The following CFAP92 variants were observed in gnomAD, a reference collection of about 807,000 sequenced individuals.
The protein encoded by CFAP92 is cilia and flagella associated protein 92 (putative), also known as uncharacterized protein CFAP92.
Under a neutral mutation model 106.3 loss-of-function variants are expected in CFAP92, and 86 were observed. The ratio of observed to expected loss-of-function variants is 0.81; its 90% confidence interval spans 0.68 to 0.97. The LOEUF (loss-of-function observed/expected upper bound fraction) is 0.97, where lower values mean the gene tolerates loss of function less well. Among genes scored for constraint, CFAP92 ranks in the 50% least tolerant of loss-of-function variants. The pLI is 0.00. For synonymous variants in CFAP92, 477 were observed against 506.4 expected, an observed-to-expected ratio of 0.94 and a Z score of 0.78; for missense variants, 1,204 against 1,283.8, an observed-to-expected ratio of 0.94 and a Z score of 0.95.
intron 9 of CFAP92, among the ~76,000 whole-genome samples, chr3:128,953,772 C>T (rs1243376521): frequency 8.2e-6 from 1 of 122,256 alleles, no homozygotes; most frequent in South Asian, 2.7e-4. Context: ...CGCGCCACCA[C>T]GCCTGACTGG....
At position 128,932,680 on chromosome 3, in the gene CFAP92, T is replaced by A. The variant is rs548720983; in HGVS notation, c.2751+20A>T. The A allele has an allele frequency of 6.6e-7, 1 of 1,520,242 alleles. No homozygotes were observed. Among genetic ancestry groups the A allele is most frequent in the South Asian group, 1.2e-5 (1 of 81,488 alleles). 94.2% of individuals were successfully genotyped at this position (1,520,242 alleles called of 1,614,324 possible). A position where few individuals can be genotyped will look rare whatever the true frequency, so the allele number is the denominator to read the frequency against. ...CAGGTGAGGCCTGGGAACCCCAAGTTGGGGAGGAAGGCGGCCCACCTGGAT... is the reference window on the plus strand; with the variant it reads ...CAGGTGAGGCCTGGGAACCCCAAGTAGGGGAGGAAGGCGGCCCACCTGGAT... On this transcript the variant is annotated intron_variant, in intron 12 of 15. Coordinates refer to ENST00000645291, the MANE Select transcript of CFAP92 (RefSeq NM_001394090.1).
chr3:128,979,116 C>A (rs1943354562), intron 4 of CFAP92, among the ~76,000 whole-genome samples: 1 of 152,130 alleles, frequency 6.6e-6, no homozygotes, highest in South Asian at 2.1e-4. Flanking sequence ...AAAAAAACAA[C>A]CCCATCAACA....
At position 128,971,306 on chromosome 3, in the gene CFAP92, G is replaced by A. The variant is rs112510625; in HGVS notation, c.1149C>T (p.Ala383=). ...RKQSAFSIQL[A]VMPLLAGWQT... ...GGGTACCGGCAAGGAGCGGCATGAC[G>A]GCCAGCTGGATGGAGAAAGCGCTCT... is the stretch of plus-strand genomic sequence containing the variant. The change falls in exon 8 of 16, where the codon GCC becomes GCT. Residue 383 remains alanine, a synonymous_variant. Coordinates refer to ENST00000645291, the MANE Select transcript of CFAP92 (RefSeq NM_001394090.1). The A allele has an allele frequency of 8.1e-5, 130 of 1,613,758 alleles. 2 individuals are homozygous for A. The Middle Eastern group carries it at 1.2e-3, about 14-fold the overall frequency.
chr3:129,008,786 C>G, the CFAP92 span, among the ~76,000 whole-genome samples: 18 of 152,204 alleles, frequency 1.2e-4, no homozygotes, highest in African/African-American at 3.9e-4. Context: ...GACTCAGGTA[C>G]TCCCTGGCCC....
chr3:128,920,668 T>TA (rs2107684786), intron 12 of CFAP92, among the ~76,000 whole-genome samples: 1 of 152,264 alleles, frequency 6.6e-6, no homozygotes, highest in African/African-American at 2.4e-5. Context: ...GTCCAGGGTC[T>TA]AAAACCCCTT....
At chr3:128,960,290 A>T (rs1369447059) in intron 9 of CFAP92, among the ~76,000 whole-genome samples, 2 of 152,196 alleles carry the variant, frequency 1.3e-5, no homozygotes, top group Non-Finnish European at 2.9e-5. Flanking sequence ...CTCCCTTGGG[A>T]GATCAATCCC....
At chr3:128,938,637 G>A (rs1459094230) in intron 10 of CFAP92, among the ~76,000 whole-genome samples, 1 of 151,842 alleles carries the variant, frequency 6.6e-6, no homozygotes, top group East Asian at 1.9e-4. Context: ...GGGACTACAG[G>A]CGCCCACCAC....
intron 10 of CFAP92, 130 bp from the exon 11 acceptor site, chr3:128,935,449 C>A (rs908523865): frequency 3.6e-6 from 2 of 552,830 alleles, no homozygotes; most frequent in Admixed American, 3.1e-5. Flanking sequence ...TGGTGACTCA[C>A]GCCTATAATC....
At chr3:129,002,136 A>T in intron 1 of CFAP92, 1 of 1,474,452 alleles carries the variant, frequency 6.8e-7, no homozygotes, top group South Asian at 1.4e-5. Context: ...CAGCGAGCAC[A>T]TCGAGACGCA....
chr3:128,944,875 G>T (rs7619110), intron 10 of CFAP92, among the ~76,000 whole-genome samples, 196 bp downstream of exon 10: 1 of 152,064 alleles, frequency 6.6e-6, no homozygotes, highest in Non-Finnish European at 1.5e-5. Context: ...AGATACTCCC[G>T]AATTCCTCCC....
the CFAP92 span, among the ~76,000 whole-genome samples, chr3:129,026,462 C>T: frequency 6.6e-6 from 1 of 152,218 alleles, no homozygotes; most frequent in Non-Finnish European, 1.5e-5. Flanking sequence ...CCCTTACCTG[C>T]TGACATACCT....
At chr3:129,004,206 T>C, upstream of CFAP92, 1 of 1,165,068 alleles carries the variant, frequency 8.6e-7, no homozygotes, top group Non-Finnish European at 1.1e-6. Context: ...TATTCATGTA[T>C]TCTTTCATTC....
chr3:128,923,996 ATAAT>A (rs1305389557), intron 12 of CFAP92, among the ~76,000 whole-genome samples: 1 of 152,218 alleles, frequency 6.6e-6, no homozygotes, highest in Admixed American at 6.5e-5. Context: ...TTTTGTTCTA[ATAAT>A]TATGTGTTTG....
intron 15 of CFAP92, 127 bp from the exon 16 acceptor site, chr3:128,910,460 T>A: frequency 1.1e-6 from 1 of 925,962 alleles, no homozygotes; most frequent in Non-Finnish European, 1.6e-6. Context: ...GGACCCACTG[T>A]ATACCAGGAT....
Position 128,910,319 on chromosome 3 carries a change from C to G in CFAP92, c.3295G>C (p.Gly1099Arg). The change falls in exon 16 of 16, where the codon GGG becomes CGG. Residue 1099 changes from glycine (G) to arginine (R), a missense_variant. By Grantham distance (125) the Gly-to-Arg change is moderately radical. Transcript: ENST00000645291. ...PKPVTVRKKKGNSPIS is the reference protein window; with the variant it reads ...PKPVTVRKKKRNSPIS ...GCTGCTCAGGAGATGGGGCTGTTCC[C>G]TTTCTTCTTCCTGACTGAGAGAAGA... 6.8e-7 allele frequency: 1 copy of G among 1,480,070 alleles called. No homozygotes were observed. Among genetic ancestry groups the G allele is most frequent in the Non-Finnish European group, 8.9e-7 (1 of 1,118,038 alleles). The allele number at this position is 1,480,070 out of a possible 1,614,324, so 91.7% of individuals were successfully genotyped here.
intron 7 of CFAP92, 48 bp from the exon 8 acceptor site, chr3:128,971,481 G>T: frequency 1.4e-6 from 2 of 1,439,238 alleles, no homozygotes; most frequent in Non-Finnish European, 9.4e-7. Flanking sequence ...GACTGTATCT[G>T]AGCTGCCATA....
rs1368945551 is a variant in CFAP92, at chr3:128,955,585, G to A, written c.1354-9610C>T. Among the ~76,000 whole-genome samples, 103 of 44,186 alleles carry A rather than the reference G, an allele frequency of 2.3e-3. 3 individuals are homozygous for A. The highest frequency in any genetic ancestry group is 3.9e-3 in the Admixed American group (17 of 4,352). 29.0% of individuals were successfully genotyped at this position (44,186 alleles called of 152,430 possible). The stretch of plus-strand genomic sequence containing the variant: ...AGCCCCCCGCCCGGCCAGCCGCCCC[G>A]CCCAGGAGGTGAGGGGCGCCTCTGC... On this transcript the variant is annotated intron_variant, in intron 9 of 15. Coordinates refer to ENST00000645291, the MANE Select transcript of CFAP92 (RefSeq NM_001394090.1).
chr3:128,933,895 GCCT>G (rs899665536), intron 11 of CFAP92, among the ~76,000 whole-genome samples: 1 of 151,988 alleles, frequency 6.6e-6, no homozygotes, highest in Non-Finnish European at 1.5e-5. Context: ...TATCTCTCCA[GCCT>G]CCTCCTCCTC....
At chr3:129,011,573 A>G in the CFAP92 span, among the ~76,000 whole-genome samples, 685 of 151,600 alleles carry the variant, frequency 4.5e-3, 6 homozygotes, top group African/African-American at 0.016. Context: ...AAAAGAATGA[A>G]GCAGGGACAC....
Sources: allele counts gnomAD v4.1 joint callset (sites outside exome capture counted in the v4.1 genomes callset), GRCh38; gene constraint gnomAD v4.1.1; transcripts MANE v1.5; gene names NCBI Gene and HGNC (gene_info 2026-07-23, HGNC 2026-07-21).